Variants in TIMM50 observed in about 807,000 individuals in gnomAD.
The protein encoded by TIMM50 is mitochondrial import inner membrane translocase subunit TIM50.
In TIMM50, 34 loss-of-function variants were observed where a neutral mutation model predicts 49.6. The observed-to-expected ratio is 0.69, with a 90% CI of 0.52 to 0.91. The LOEUF is 0.91. Ranked by LOEUF, TIMM50 falls within the 40% of genes least tolerant of loss-of-function variation. TIMM50 has a pLI of 0.00. For synonymous variants in TIMM50, 199 were observed against 198.4 expected (o/e 1.00, Z -0.03); for missense variants, 458 against 477.8 (o/e 0.96, Z 0.39).
intron 6 of TIMM50, 77 bp downstream of exon 6, chr19:39,485,884 G>A: frequency 6.3e-7 from 1 of 1,581,756 alleles, no homozygotes; most frequent in East Asian, 2.3e-5. Context: ...TTCAGCCCTG[G>A]CTGTGCTATG....
At chr19:39,483,807 G>A (rs935799726) in intron 4 of TIMM50, among the ~76,000 whole-genome samples, 1 of 152,190 alleles carries the variant, frequency 6.6e-6, no homozygotes, top group African/African-American at 2.4e-5. Context: ...CAGTTTTAAA[G>A]TGTATATGTT....
Position 39,486,282 on chromosome 19 carries a change from G to T in TIMM50, c.588G>T (p.Glu196Asp). Reference sequence around the variant, plus strand: ...ATGAAATTGTCATCTTTACGTCAGAGACTGGCATGGTGAGGCTCTGGGGCA... The same window carrying T: ...ATGAAATTGTCATCTTTACGTCAGATACTGGCATGGTGAGGCTCTGGGGCA... ...PLYEIVIFTSETGMTAFPLID... is the reference protein window; with the variant it reads ...PLYEIVIFTSDTGMTAFPLID... The change falls in exon 7 of 11, where the codon GAG becomes GAT. Residue 196 changes from glutamate to aspartate, a missense_variant. Coordinates refer to ENST00000607714, the MANE Select transcript of TIMM50 (RefSeq NM_001001563.5). 1 of 1,614,140 alleles carries T rather than the reference G, an allele frequency of 6.2e-7. No individual in the cohort carries two copies. Among genetic ancestry groups the T allele is most frequent in the Non-Finnish European group, 8.5e-7 (1 of 1,180,022 alleles).
chr19:39,490,279 C>T lies in TIMM50; in HGVS notation c.*459C>T. 6.4e-6 allele frequency: 1 copy of T among 155,228 alleles called. No homozygotes were observed. Among genetic ancestry groups the T allele is most frequent in the Admixed American group, 6.4e-5 (1 of 15,550 alleles). 9.6% of individuals were successfully genotyped at this position (155,228 alleles called of 1,614,324 possible). On this transcript the variant is annotated 3_prime_UTR_variant, in exon 11 of 11. Coordinates refer to ENST00000607714, the MANE Select transcript of TIMM50 (RefSeq NM_001001563.5). ...CCAGAGATTACCCCTCTCAACAGGCCAGCTGCTGGTTGGCTCCAGCCAGTG... is the reference window on the plus strand; with the variant it reads ...CCAGAGATTACCCCTCTCAACAGGCTAGCTGCTGGTTGGCTCCAGCCAGTG...
At chr19:39,483,242 C>T in intron 4 of TIMM50, 86 bp downstream of exon 4, 1 of 1,562,332 alleles carries the variant, frequency 6.4e-7, no homozygotes, top group Non-Finnish European at 8.8e-7. Context: ...TCTGGTGTCT[C>T]CGGCCCCTCC....
intron 3 of TIMM50, 63 bp downstream of exon 3, chr19:39,482,979 T>G: frequency 6.2e-7 from 1 of 1,613,018 alleles, no homozygotes; most frequent in Non-Finnish European, 8.5e-7. Flanking sequence ...AGGGGTCCCC[T>G]TTGGTCTGTT....
At chr19:39,484,206 T>A (rs375925357) in intron 4 of TIMM50, among the ~76,000 whole-genome samples, 1 of 152,152 alleles carries the variant, frequency 6.6e-6, no homozygotes, top group African/African-American at 2.4e-5. Context: ...CTAAAAATAC[T>A]GTATTAAAGT....
chr19:39,482,237 C>T (rs2079477461), intron 2 of TIMM50, among the ~76,000 whole-genome samples: 1 of 152,152 alleles, frequency 6.6e-6, no homozygotes, highest in African/African-American at 2.4e-5. Context: ...TCTAGTCTTT[C>T]TAGTTGGTTC....
In TIMM50 at chr19:39,490,139, A is replaced by G; in HGVS notation, c.*319A>G. On this transcript the variant is annotated 3_prime_UTR_variant, in exon 11 of 11. Coordinates refer to ENST00000607714, the MANE Select transcript of TIMM50 (RefSeq NM_001001563.5). ...GTGAAAAATACATCTCCCTCTGACC[A>G]CAGACTCCTCATCTGTGGAGAAGGG... The G allele has an allele frequency of 3.0e-6, 1 of 335,208 alleles. No individual in the cohort carries two copies. Among genetic ancestry groups the G allele is most frequent in the Non-Finnish European group, 5.7e-6 (1 of 176,904 alleles). The allele number at this position is 335,208 out of a possible 1,614,324, so 20.8% of individuals were successfully genotyped here. A position where few individuals can be genotyped will look rare whatever the true frequency, so the allele number is the denominator to read the frequency against.
At position 39,486,434 on chromosome 19, in the gene TIMM50, G is replaced by A; in HGVS notation, c.635G>A (p.Gly212Asp). ...FPLIDSVDPH[G>D]FISYRLFRDA... ...CTCATTGATAGTGTGGACCCCCATGGCTTCATCTCCTACCGCCTATTCCGG... is the reference window on the plus strand; with the variant it reads ...CTCATTGATAGTGTGGACCCCCATGACTTCATCTCCTACCGCCTATTCCGG... Residue 212 changes from glycine (G) to aspartate (D), a missense_variant, in exon 8 of 11, where the codon GGC becomes GAC. Physicochemically the swap from Gly to Asp is moderately conservative, Grantham distance 94. Coordinates refer to ENST00000607714, the MANE Select transcript of TIMM50 (RefSeq NM_001001563.5). The A allele has an allele frequency of 6.2e-7, 1 of 1,614,106 alleles. No homozygotes were observed. Among genetic ancestry groups the A allele is most frequent in the Non-Finnish European group, 8.5e-7 (1 of 1,180,028 alleles).
At chr19:39,480,998 C>T in intron 1 of TIMM50, 37 bp downstream of exon 1, 1 of 1,546,214 alleles carries the variant, frequency 6.5e-7, no homozygotes, top group South Asian at 1.2e-5. Flanking sequence ...AATGTGGGGT[C>T]CCTTCCCTGG....
intron 8 of TIMM50, among the ~76,000 whole-genome samples, chr19:39,487,185 C>G (rs1241549238): frequency 1.3e-5 from 2 of 152,216 alleles, no homozygotes; most frequent in East Asian, 1.9e-4. Context: ...ACCTCCCTCT[C>G]CAGGGAACTT....
intron 4 of TIMM50, 177 bp downstream of exon 4, chr19:39,483,333 C>T (rs972956882): frequency 5.3e-6 from 4 of 750,898 alleles, no homozygotes; most frequent in East Asian, 2.7e-5. Flanking sequence ...GCCCACTTCC[C>T]TGGCCCCTCA....
At chr19:39,482,542 C>G (rs2079479416) in intron 2 of TIMM50, among the ~76,000 whole-genome samples, 2 of 152,008 alleles carry the variant, frequency 1.3e-5, no homozygotes, top group Non-Finnish European at 2.9e-5. Flanking sequence ...CGCCTGTAGT[C>G]TCAGCTACTC....
intron 10 of TIMM50, 119 bp from the exon 11 acceptor site, chr19:39,489,600 C>T (rs2079530574): frequency 1.0e-6 from 1 of 1,004,260 alleles, no homozygotes; most frequent in Non-Finnish European, 1.4e-6. Flanking sequence ...GGGGTCTGGA[C>T]TTGGCAGAAG....
At position 39,490,240 on chromosome 19, in the gene TIMM50, G is replaced by C. The variant is rs981016063; in HGVS notation, c.*420G>C. 1.0e-4 allele frequency: 17 copies of C among 163,994 alleles called. No homozygotes were observed. The highest frequency in any genetic ancestry group is 1.8e-4 in the Admixed American group (3 of 16,434). The allele number at this position is 163,994 out of a possible 1,614,324, so 10.2% of individuals were successfully genotyped here. On this transcript the variant is annotated 3_prime_UTR_variant, in exon 11 of 11. Transcript: ENST00000607714. Reference sequence around the variant, plus strand: ...GGAGAGAATGTGTTATGGGCCTAGTGGGCCTCTGGTGGACCAGAGATTACC... The same window carrying C: ...GGAGAGAATGTGTTATGGGCCTAGTCGGCCTCTGGTGGACCAGAGATTACC...
chr19:39,482,097 C>T (rs2079476527), intron 2 of TIMM50, 64 bp downstream of exon 2: 1 of 1,559,166 alleles, frequency 6.4e-7, no homozygotes, highest in Non-Finnish European at 8.7e-7. Context: ...TGTGGAACCT[C>T]CCACTCTTGC....
In TIMM50 at chr19:39,492,045, C is replaced by T. The variant is rs1341189947; in HGVS notation, c.*2225C>T. 2.0e-5 allele frequency: 3 copies of T among 152,014 alleles called. No homozygotes were observed. Among genetic ancestry groups the T allele is most frequent in the African/African-American group, 4.8e-5 (2 of 41,384 alleles). The allele number at this position is 152,014 out of a possible 1,614,324, so 9.4% of individuals were successfully genotyped here. On this transcript the variant is annotated 3_prime_UTR_variant, in exon 11 of 11. Transcript: ENST00000607714. ...TTTAATTAAATAGCCACATGTGTCTCCTGTATTGACAGTACCACTGTGTAT... is the reference window on the plus strand; with the variant it reads ...TTTAATTAAATAGCCACATGTGTCTTCTGTATTGACAGTACCACTGTGTAT...
chr19:39,490,950 G>A lies in TIMM50; in HGVS notation c.*1130G>A, dbSNP rs553564558. ...GGAGAATTGCTTGAACCTGGGAGGC[G>A]GAGGTTGTGGTGAGCCGAGATCGCA... On this transcript the variant is annotated 3_prime_UTR_variant, in exon 11 of 11. Coordinates refer to ENST00000607714, the MANE Select transcript of TIMM50 (RefSeq NM_001001563.5). 373 of 152,004 alleles carry A rather than the reference G, an allele frequency of 2.5e-3. 1 individual carries two copies. The highest frequency in any genetic ancestry group is 4.1e-3 in the Non-Finnish European group (278 of 68,072). The allele number at this position is 152,004 out of a possible 1,614,324, so 9.4% of individuals were successfully genotyped here.
chr19:39,486,589 C>A, intron 8 of TIMM50, 94 bp downstream of exon 8: 1 of 1,157,792 alleles, frequency 8.6e-7, no homozygotes, highest in Non-Finnish European at 1.3e-6. Context: ...CCTCACCTGG[C>A]TTATGGTTCT....
Sources: gnomAD v4.1 joint callset for allele counts (sites outside exome capture counted in the v4.1 genomes callset) on GRCh38, gnomAD v4.1.1 for gene constraint, MANE v1.5 for transcripts, NCBI Gene and HGNC (gene_info 2026-07-23, HGNC 2026-07-21) for gene names.